The following SPEG variants were observed in gnomAD, a reference collection of about 807,000 sequenced individuals.
The protein encoded by SPEG is striated muscle enriched protein kinase.
In SPEG, 114 loss-of-function variants were observed where a neutral mutation model predicts 300.4. The ratio of observed to expected loss-of-function variants is 0.38; its 90% CI spans 0.33 to 0.44. The LOEUF is 0.44. Among genes scored for constraint, SPEG ranks in the 20% least tolerant of loss-of-function variants. The pLI is 1.00. For synonymous variants in SPEG, 1,964 were observed against 2,018.9 expected, an observed-to-expected ratio of 0.97 and a Z score of 0.73; for missense variants, 4,201 against 4,586.2, an observed-to-expected ratio of 0.92 and a Z score of 2.43.
rs1171831700 is a variant in SPEG, at chr2:219,484,863, G to A, written c.7400G>A (p.Arg2467Gln). ...TTCACCCTGGAGCGGCTGTCCAGCC[G>A]ATTGCAGCGCAGTGGCAGCAGCGAG... ...LSFTLERLSS[R>Q]LQRSGSSEDS... The change falls in exon 30 of 41, where the codon CGA (arginine) becomes CAA (glutamine). Residue 2467 changes from arginine to glutamine, a missense_variant. Physicochemically the swap from Arg to Gln is conservative, Grantham distance 43. This residue lies in a region of SPEG where 1,578 missense variants were observed against 1,506.0 expected (regional missense o/e 1.05). Transcript: ENST00000312358. 1 of 1,523,112 alleles carries A rather than the reference G, an allele frequency of 6.6e-7. No homozygotes were observed. Among genetic ancestry groups the A allele is most frequent in the East Asian group, 2.6e-5 (1 of 39,162 alleles). 94.3% of individuals were successfully genotyped at this position (1,523,112 alleles called of 1,614,324 possible). A position where few individuals can be genotyped will look rare whatever the true frequency, so the allele number is the denominator to read the frequency against.
chr2:219,490,433 G>A lies in SPEG; in HGVS notation c.8946G>A (p.Ala2982=), dbSNP rs200429709. Residue 2982 remains alanine, a synonymous_variant, in exon 37 of 41, where the codon GCG becomes GCA. Transcript: ENST00000312358. ...GGGGCCGCTTTGGTGTTGTGCGAGC[G>A]TGCCGGGAGAATGCCACGGGGCGAA... ...KARGRFGVVR[A]CRENATGRTF... is the part of the protein sequence containing the mutation. 3.6e-5 allele frequency: 58 copies of A among 1,612,554 alleles called. No individual in the cohort carries two copies. Among genetic ancestry groups the A allele is most frequent in the Admixed American group, 1.3e-4 (8 of 60,002 alleles).
intron 7 of SPEG, 27 bp from the exon 8 acceptor site, chr2:219,462,271 C>T (rs375199049): frequency 1.3e-6 from 2 of 1,544,580 alleles, no homozygotes; most frequent in Non-Finnish European, 1.8e-6. Flanking sequence ...CCTGTCTTCC[C>T]CTGACACTTT....
intron 6 of SPEG, among the ~76,000 whole-genome samples, chr2:219,456,339 C>T (rs532043681): frequency 5.9e-5 from 9 of 152,358 alleles, no homozygotes; most frequent in African/African-American, 1.7e-4. Context: ...CAGTGGCTGC[C>T]GTTGGGGAGG....
At position 219,477,218 on chromosome 2, in the gene SPEG, C is replaced by G. The variant is rs191214403; in HGVS notation, c.4561-59C>G. On this transcript the variant is annotated intron_variant, in intron 19 of 40. Transcript: ENST00000312358. The surrounding 1 kb of genome is among the most constrained non-coding windows in gnomAD (Gnocchi z 6.4). ...GCTGCCCAGAGTAGGAGATGAGGCCCTGGCCCCAAGGTAGAGATGAGGCCA... is the reference window on the plus strand; with the variant it reads ...GCTGCCCAGAGTAGGAGATGAGGCCGTGGCCCCAAGGTAGAGATGAGGCCA... 2.4e-4 allele frequency: 111 copies of G among 461,294 alleles called. No individual in the cohort carries two copies. The highest frequency in any genetic ancestry group is 2.6e-4 in the Non-Finnish European group (81 of 313,570). The allele number at this position is 461,294 out of a possible 1,614,324, so 28.6% of individuals were successfully genotyped here.
Position 219,490,787 on chromosome 2 carries a change from C to T in SPEG, c.9216C>T (p.Gly3072=). 1 of 1,614,122 alleles carries T rather than the reference C, an allele frequency of 6.2e-7. No homozygotes were observed. The highest frequency in any genetic ancestry group is 8.5e-7 in the Non-Finnish European group (1 of 1,180,042). Residue 3072 remains glycine (G), a synonymous_variant, in exon 38 of 41, where the codon GGC becomes GGT. Coordinates refer to ENST00000312358, the MANE Select transcript of SPEG (RefSeq NM_005876.5). ...CTTACATGGTGCAGCTGCTACAAGGCCTGGACTACCTCCACGGCCACCACG... is the reference window on the plus strand; with the variant it reads ...CTTACATGGTGCAGCTGCTACAAGGTCTGGACTACCTCCACGGCCACCACG... ...VATYMVQLLQ[G]LDYLHGHHVL...
chr2:219,484,009 C>T lies in SPEG; in HGVS notation c.6546C>T (p.Ser2182=). The T allele has an allele frequency of 9.3e-6, 15 of 1,612,858 alleles. No homozygotes were observed. The highest frequency in any genetic ancestry group is 1.3e-5 in the Non-Finnish European group (15 of 1,179,820). The part of the protein sequence containing the change: ...EAQPSSPARP[S]APKPSTPKSA... ...AGCCATCCAGCCCTGCACGGCCCAG[C>T]GCCCCCAAACCCAGTACCCCTAAGT... The change falls in exon 30 of 41, where the codon AGC becomes AGT. Residue 2182 remains serine (S), a synonymous_variant. Transcript: ENST00000312358.
At chr2:219,463,541 G>A (rs1263484838) in intron 8 of SPEG, among the ~76,000 whole-genome samples, 1 of 151,194 alleles carries the variant, frequency 6.6e-6, no homozygotes, top group African/African-American at 2.4e-5. Flanking sequence ...AGCCTCCTGA[G>A]TAGCTGGGAT....
chr2:219,473,754 G>C lies in SPEG; in HGVS notation c.4298G>C (p.Arg1433Pro). The change falls in exon 18 of 41, where the codon CGG becomes CCG. Residue 1433 changes from arginine to proline, a missense_variant. Transcript: ENST00000312358. The surrounding 1 kb of genome is among the most constrained non-coding windows in gnomAD (Gnocchi z 4.6). Reference protein sequence around the residue: ...RSCRGALLEARAGVYELSQPD... With the variant: ...RSCRGALLEAPAGVYELSQPD... The stretch of plus-strand genomic sequence containing the variant: ...TGCCGAGGGGCCCTCCTAGAGGCAC[G>C]GGCCGGTGTGTACGAGCTGAGCCAG... 1.9e-6 allele frequency: 3 copies of C among 1,613,874 alleles called. No individual in the cohort carries two copies. Among genetic ancestry groups the C allele is most frequent in the South Asian group, 1.1e-5 (1 of 91,072 alleles).
intron 9 of SPEG, chr2:219,466,335 G>A: frequency 7.1e-7 from 1 of 1,408,296 alleles, no homozygotes; most frequent in Non-Finnish European, 9.2e-7. Flanking sequence ...GCGGCTGCGA[G>A]GGGTATCAAC....
rs368670007 is a variant in SPEG at position 219,472,253 on chromosome 2, G to A, written c.3862G>A (p.Ala1288Thr). 2.0e-5 allele frequency: 32 copies of A among 1,613,860 alleles called. No homozygotes were observed. The highest frequency in any genetic ancestry group is 1.1e-4 in the South Asian group (10 of 91,088). ...TDVVPGPPDGAPQVVAVTGRM... is the reference protein window; with the variant it reads ...TDVVPGPPDGTPQVVAVTGRM... ...TGTGGTCCCAGGCCCTCCAGATGGC[G>A]CCCCGCAGGTGGTGGCTGTGACGGG... Residue 1288 changes from alanine (A) to threonine (T), a missense_variant, in exon 15 of 41, where the codon GCC (alanine) becomes ACC (threonine). Coordinates refer to ENST00000312358, the MANE Select transcript of SPEG (RefSeq NM_005876.5).
rs1362346842 is a variant in SPEG, at chr2:219,473,580, C to G, written c.4224C>G (p.Ser1408Arg). Reference sequence around the variant, plus strand: ...ATGTGGTGGAGGGACAGCCTGCCAGCGTCACCGTCACATTCAACCATGTGG... The same window carrying G: ...ATGTGGTGGAGGGACAGCCTGCCAGGGTCACCGTCACATTCAACCATGTGG... Reference protein sequence around the residue: ...IVYVVEGQPASVTVTFNHVEA... With the variant: ...IVYVVEGQPARVTVTFNHVEA... Residue 1408 changes from serine (S) to arginine (R), a missense_variant, in exon 17 of 41, where the codon AGC (serine) becomes AGG (arginine). Transcript: ENST00000312358. This position sits in a 1 kb window ranked among gnomAD's most constrained non-coding sequence, Gnocchi z 4.6. The G allele has an allele frequency of 9.3e-6, 15 of 1,614,066 alleles. No homozygotes were observed. Among genetic ancestry groups the G allele is most frequent in the Non-Finnish European group, 1.3e-5 (15 of 1,180,038 alleles).
chr2:219,453,917 G>T (rs1689967182), intron 6 of SPEG, among the ~76,000 whole-genome samples: 1 of 152,232 alleles, frequency 6.6e-6, no homozygotes, highest in Admixed American at 6.5e-5. Context: ...CAGGCCTGGA[G>T]TCTGCAGGCA....
At position 219,485,455 on chromosome 2, in the gene SPEG, C is replaced by G. The variant is rs148856428; in HGVS notation, c.7719C>G (p.His2573Gln). The G allele has an allele frequency of 6.3e-7, 1 of 1,597,962 alleles. No individual in the cohort carries two copies. The highest frequency in any genetic ancestry group is 1.3e-5 in the African/African-American group (1 of 74,166). Reference sequence around the variant, plus strand: ...CCAGCGTCCAGGAGGAGTTGGGTCACCAGTACGTGCGCAGTGAGTCAGGTA... The same window carrying G: ...CCAGCGTCCAGGAGGAGTTGGGTCAGCAGTACGTGCGCAGTGAGTCAGGTA... ...LSASVQEELGHQYVRSESDFP... is the reference protein window; with the variant it reads ...LSASVQEELGQQYVRSESDFP... The change falls in exon 31 of 41, where the codon CAC (histidine) becomes CAG (glutamine). Residue 2573 changes from histidine to glutamine, a missense_variant. Around this residue, in one of 4 missense-constraint regions of SPEG, gnomAD observed 1,578 missense variants for 1,506.0 expected, o/e 1.05. Transcript: ENST00000312358.
rs756241630 is a variant in SPEG, at chr2:219,448,303, G to A, written c.1145G>A (p.Gly382Asp). ...CAGACGCCACTGAGCGAGGCCTCAGGCCGCCTGTCGGCGTTGGGCCGATCG... is the reference window on the plus strand; with the variant it reads ...CAGACGCCACTGAGCGAGGCCTCAGACCGCCTGTCGGCGTTGGGCCGATCG... ...RPQTPLSEAS[G>D]RLSALGRSPR... The change falls in exon 4 of 41, where the codon GGC (glycine) becomes GAC (aspartate). Residue 382 changes from glycine to aspartate, a missense_variant. Around this residue, in one of 4 missense-constraint regions of SPEG, gnomAD observed 1,258 missense variants for 1,293.9 expected, o/e 0.97. Coordinates refer to ENST00000312358, the MANE Select transcript of SPEG (RefSeq NM_005876.5). 5.0e-6 allele frequency: 8 copies of A among 1,608,308 alleles called. No homozygotes were observed. The highest frequency in any genetic ancestry group is 6.8e-6 in the Non-Finnish European group (8 of 1,178,224).
In SPEG at chr2:219,479,282, G is replaced by C. The variant is rs113079444; in HGVS notation, c.5085+81G>C. ...CTTTGAGAACCAACAAATGGGTCCT[G>C]AGTGTGCCATCTGTGCCCACAGGAA... is the stretch of plus-strand genomic sequence containing the variant. On this transcript the variant is annotated intron_variant, in intron 23 of 40. Coordinates refer to ENST00000312358, the MANE Select transcript of SPEG (RefSeq NM_005876.5). This position sits in a 1 kb window ranked among gnomAD's most constrained non-coding sequence, Gnocchi z 5.5. 1,937 of 1,250,276 alleles carry C rather than the reference G, an allele frequency of 1.5e-3. 17 individuals are homozygous for C. In the African/African-American group the frequency reaches 0.026, roughly 17 times the overall value. 77.4% of individuals were successfully genotyped at this position (1,250,276 alleles called of 1,614,324 possible). A position where few individuals can be genotyped will look rare whatever the true frequency, so the allele number is the denominator to read the frequency against.
At chr2:219,490,015 G>T in intron 36 of SPEG, 76 bp downstream of exon 36, 1 of 1,490,372 alleles carries the variant, frequency 6.7e-7, no homozygotes, top group South Asian at 1.4e-5. Flanking sequence ...TCGGAGAGAA[G>T]ACCAGACTGT....
chr2:219,477,749 T>A lies in SPEG; in HGVS notation c.4790T>A (p.Leu1597His). The change falls in exon 21 of 41, where the codon CTC (leucine) becomes CAC (histidine). Residue 1597 changes from leucine (L) to histidine (H), a missense_variant. Leu to His is a moderately conservative substitution (Grantham distance 99, BLOSUM62 -3). Around this residue, in one of 4 missense-constraint regions of SPEG, gnomAD observed 1,047 missense variants for 1,356.8 expected, o/e 0.77. Transcript: ENST00000312358. The surrounding 1 kb of genome is among the most constrained non-coding windows in gnomAD (Gnocchi z 6.4). ...GATGAGGACCATCGAGGAAGGAGAC[T>A]CAGCGACTTTTATGACATCCACCAG... ...GEDEDHRGRR[L>H]SDFYDIHQEI... is the part of the protein sequence containing the mutation. The A allele has an allele frequency of 6.2e-7, 1 of 1,609,758 alleles. No individual in the cohort carries two copies. Among genetic ancestry groups the A allele is most frequent in the Non-Finnish European group, 8.5e-7 (1 of 1,177,232 alleles).
intron 9 of SPEG, chr2:219,466,138 G>A (rs1335989112): frequency 6.4e-6 from 10 of 1,554,536 alleles, no homozygotes; most frequent in South Asian, 2.4e-5. Flanking sequence ...CTCGGACCTC[G>A]CTGTGTTTCA....
At chr2:219,447,427 T>G (rs1292631335) in intron 3 of SPEG, among the ~76,000 whole-genome samples, 1 of 152,172 alleles carries the variant, frequency 6.6e-6, no homozygotes, top group Non-Finnish European at 1.5e-5. Flanking sequence ...ATCCTAGGGA[T>G]GGGGCACTGC....
Sources: allele counts gnomAD v4.1 joint callset (sites outside exome capture counted in the v4.1 genomes callset), GRCh38; gene constraint gnomAD v4.1.1; regional missense constraint gnomAD v4.1.1; non-coding constraint Gnocchi (gnomAD v3.1); transcripts MANE v1.5; gene names NCBI Gene and HGNC (gene_info 2026-07-23, HGNC 2026-07-21).